Variants in GOLGA3 observed in about 807,000 individuals in gnomAD.
The protein encoded by GOLGA3 is golgin subfamily A member 3.
In GOLGA3, 75 loss-of-function variants were observed where a neutral mutation model predicts 169.4. The ratio of observed to expected loss-of-function variants is 0.44; its 90% CI spans 0.37 to 0.54. The LOEUF (loss-of-function observed/expected upper bound fraction) is 0.54, where lower values mean the gene tolerates loss of function less well. Among genes scored for constraint, GOLGA3 ranks in the 20% least tolerant of loss-of-function variants. GOLGA3 has a pLI of 0.00. For missense variants in GOLGA3, 1,899 were observed against 1,930.0 expected (o/e 0.98, Z 0.30); for synonymous variants, 824 against 822.4 (o/e 1.00, Z -0.03).
intron 13 of GOLGA3, among the ~76,000 whole-genome samples, chr12:132,787,099 G>A (rs887205463): frequency 5.9e-5 from 9 of 151,992 alleles, no homozygotes; most frequent in African/African-American, 2.2e-4. Flanking sequence ...GACTACAGGT[G>A]CCCGCCACCA....
intron 1 of GOLGA3, chr12:132,825,933 C>T (rs2136833409): frequency 1.3e-5 from 12 of 955,058 alleles, no homozygotes; most frequent in Non-Finnish European, 2.1e-5. Context: ...GGCGTGGTGA[C>T]CAAGATGAAG....
chr12:132,782,651 G>C (rs2045669845), intron 16 of GOLGA3, among the ~76,000 whole-genome samples, 158 bp from the exon 17 acceptor site: 1 of 152,138 alleles, frequency 6.6e-6, no homozygotes, highest in Non-Finnish European at 1.5e-5. Flanking sequence ...CCGAGGCAGG[G>C]GGATCACCTG....
intron 4 of GOLGA3, among the ~76,000 whole-genome samples, 161 bp from the exon 5 acceptor site, chr12:132,808,710 C>T (rs564881533): frequency 2.0e-5 from 3 of 152,204 alleles, no homozygotes; most frequent in South Asian, 2.1e-4. Flanking sequence ...GCCAGGCCTC[C>T]GATCCGTGGT....
intron 6 of GOLGA3, 36 bp from the exon 7 acceptor site, chr12:132,805,058 A>G (rs1949323600): frequency 1.9e-6 from 3 of 1,584,990 alleles, no homozygotes; most frequent in Non-Finnish European, 2.6e-6. Flanking sequence ...GATTTTAAGA[A>G]AACGAGTCAC....
chr12:132,807,316 G>C, intron 5 of GOLGA3, 28 bp from the exon 6 acceptor site: 1 of 1,297,952 alleles, frequency 7.7e-7, no homozygotes, highest in Middle Eastern at 1.9e-4. Flanking sequence ...GGTCAGGCCT[G>C]TGCGAGCCAT....
chr12:132,775,276 C>T lies in GOLGA3; in HGVS notation c.4008G>A (p.Gln1336=). The T allele has an allele frequency of 6.2e-7, 1 of 1,612,482 alleles. No homozygotes were observed. Among genetic ancestry groups the T allele is most frequent in the Non-Finnish European group, 8.5e-7 (1 of 1,179,466 alleles). ...CCTTCTGGGTCATGGACAGGTCTTC[C>T]TGGGCCATCTCCAACTCAGACTTGA... is the stretch of plus-strand genomic sequence containing the variant. ...QNVKSELEMA[Q]EDLSMTQKDK... Residue 1336 remains glutamine (Q), a synonymous_variant, in exon 22 of 24, where the codon CAG becomes CAA. Coordinates refer to ENST00000450791, the MANE Select transcript of GOLGA3 (RefSeq NM_001389683.1).
At chr12:132,784,657 CACAT>C (rs1296823444) in intron 15 of GOLGA3, among the ~76,000 whole-genome samples, 3 of 152,130 alleles carry the variant, frequency 2.0e-5, no homozygotes, top group African/African-American at 7.2e-5. Flanking sequence ...CACCACACAT[CACAT>C]ACACACACTC....
At position 132,796,651 on chromosome 12, in the gene GOLGA3, T is replaced by C; in HGVS notation, c.1988A>G (p.Lys663Arg). The change falls in exon 10 of 24, where the codon AAG becomes AGG. Residue 663 changes from lysine to arginine, a missense_variant. Lys to Arg is a conservative substitution (Grantham distance 26). Coordinates refer to ENST00000450791, the MANE Select transcript of GOLGA3 (RefSeq NM_001389683.1). ...EAAFMQIQEAKTMVEEDLQRR... is the reference protein window; with the variant it reads ...EAAFMQIQEARTMVEEDLQRR... ...CTGAAGGTCCTCCTCCACCATCGTC[T>C]TTGCCTCCTGAATCTGCATGAAGGC... 6.2e-7 allele frequency: 1 copy of C among 1,614,140 alleles called. No individual in the cohort carries two copies. Among genetic ancestry groups the C allele is most frequent in the Non-Finnish European group, 8.5e-7 (1 of 1,180,002 alleles).
Position 132,808,005 on chromosome 12 carries a change from A to G in GOLGA3, c.1064T>C (p.Leu355Pro). Residue 355 changes from leucine to proline, a missense_variant, in exon 5 of 24, where the codon CTG becomes CCG. Transcript: ENST00000450791. ...GTCCTTAATGGAGGGGAACTGGCCC[A>G]GGGTATCCGCAGGAATCTCCTGGCC... The part of the protein sequence containing the change: ...VNGQEIPADT[L>P]GQFPSIKDVL... 2 of 1,612,348 alleles carry G rather than the reference A, an allele frequency of 1.2e-6. No individual in the cohort carries two copies. Among genetic ancestry groups the G allele is most frequent in the South Asian group, 1.1e-5 (1 of 90,934 alleles).
intron 8 of GOLGA3, among the ~76,000 whole-genome samples, chr12:132,800,935 G>C (rs1303487514): frequency 6.6e-6 from 1 of 152,164 alleles, no homozygotes; most frequent in African/African-American, 2.4e-5. Flanking sequence ...CTCCAGCCTG[G>C]GTGACGGAGT....
chr12:132,788,881 AC>A (rs1345404952), intron 13 of GOLGA3, 145 bp downstream of exon 13: 2 of 799,776 alleles, frequency 2.5e-6, no homozygotes, highest in Non-Finnish European at 1.9e-6. Flanking sequence ...AGCCTCTCCC[AC>A]CTTGGCCCCA....
At chr12:132,793,687 G>A (rs1259770246) in intron 11 of GOLGA3, among the ~76,000 whole-genome samples, 11 of 121,208 alleles carry the variant, frequency 9.1e-5, no homozygotes, top group South Asian at 6.1e-4. Context: ...CAGACCCACC[G>A]CACGGGACCC....
chr12:132,781,016 C>T (rs550186322), intron 17 of GOLGA3, 102 bp from the exon 18 acceptor site: 51 of 814,738 alleles, frequency 6.3e-5, no homozygotes, highest in African/African-American at 1.0e-4. Context: ...CACAGGCACA[C>T]GCCAGGGAGG....
Position 132,786,417 on chromosome 12 carries a change from C to T in GOLGA3, c.3045G>A (p.Ala1015=), listed in dbSNP as rs750957540. The T allele has an allele frequency of 4.2e-5, 68 of 1,613,160 alleles. 1 individual carries two copies. The highest frequency in any genetic ancestry group is 4.8e-5 in the Non-Finnish European group (57 of 1,179,772). ...ILSRRLQEAL[A]AKEAADAELG... ...GCTCCGCGTCCGCAGCCTCCTTGGCCGCGAGGGCCTCCTGCAGGCGGCGGC... is the reference window on the plus strand; with the variant it reads ...GCTCCGCGTCCGCAGCCTCCTTGGCTGCGAGGGCCTCCTGCAGGCGGCGGC... The change falls in exon 15 of 24, where the codon GCG becomes GCA. Residue 1015 remains alanine (A), a synonymous_variant. Transcript: ENST00000450791.
chr12:132,784,034 T>G, intron 16 of GOLGA3, 130 bp downstream of exon 16: 1 of 1,531,378 alleles, frequency 6.5e-7, no homozygotes, highest in Non-Finnish European at 8.7e-7. Flanking sequence ...GGTCAGAAGG[T>G]GGCAACACCA....
At chr12:132,796,477 A>T in intron 10 of GOLGA3, 62 bp downstream of exon 10, 1 of 1,530,594 alleles carries the variant, frequency 6.5e-7, no homozygotes. Flanking sequence ...CCTTGTGTGC[A>T]GTCCTGGCTG....
chr12:132,823,953 C>T (rs962624836), intron 1 of GOLGA3, among the ~76,000 whole-genome samples: 2 of 151,164 alleles, frequency 1.3e-5, no homozygotes, highest in African/African-American at 4.9e-5. Context: ...CATGGCAGCG[C>T]GTGCCTGTAA....
chr12:132,804,194 G>A lies in GOLGA3; in HGVS notation c.1597+522C>T, dbSNP rs538328058. On this transcript the variant is annotated intron_variant, in intron 7 of 23. Coordinates refer to ENST00000450791, the MANE Select transcript of GOLGA3 (RefSeq NM_001389683.1). This position sits in a 1 kb window ranked among gnomAD's most constrained non-coding sequence, Gnocchi z 4.1. ...ATCCAGGGAGAAAAGGTTGCCAGAC[G>A]GACAGTCAAGGAGCTGTTCTTGAAT... 2.6e-5 allele frequency among the ~76,000 whole-genome samples: 4 copies of A among 152,322 alleles called. No homozygotes were observed. Among genetic ancestry groups the A allele is most frequent in the Non-Finnish European group, 4.4e-5 (3 of 68,036 alleles).
At chr12:132,825,285 G>C (rs575290874) in intron 1 of GOLGA3, among the ~76,000 whole-genome samples, 1 of 152,134 alleles carries the variant, frequency 6.6e-6, no homozygotes, top group East Asian at 1.9e-4. Context: ...CGCAGGTAAA[G>C]TGTCTCGTCT....
Sources: allele counts gnomAD v4.1 joint callset (sites outside exome capture counted in the v4.1 genomes callset), GRCh38; gene constraint gnomAD v4.1.1; non-coding constraint Gnocchi (gnomAD v3.1); transcripts MANE v1.5; gene names NCBI Gene and HGNC (gene_info 2026-07-23, HGNC 2026-07-21).